COL4A4: variants seen among roughly 807,000 people sequenced by gnomAD.
The protein encoded by COL4A4 is collagen alpha-4(IV) chain.
In COL4A4, 105 loss-of-function variants were observed where a neutral mutation model predicts 192.9. The observed-to-expected ratio is 0.54, with a 90% confidence interval of 0.46 to 0.64. COL4A4 has a LOEUF of 0.64. Ranked by LOEUF, COL4A4 falls within the 30% of genes least tolerant of loss-of-function variation. The pLI is 0.00. For synonymous variants in COL4A4, 762 were observed against 769.9 expected (o/e 0.99, Z 0.17); for missense variants, 1,967 against 2,169.3 (o/e 0.91, Z 1.85).
chr2:227,128,258 C>T (rs932507862), intron 4 of COL4A4, among the ~76,000 whole-genome samples: 1 of 152,200 alleles, frequency 6.6e-6, no homozygotes, highest in African/African-American at 2.4e-5. Context: ...CACGCTCATG[C>T]CATGCCCGGA....
At chr2:227,150,861 T>A (rs2063887825) in intron 1 of COL4A4, among the ~76,000 whole-genome samples, 1 of 151,398 alleles carries the variant, frequency 6.6e-6, no homozygotes, top group Non-Finnish European at 1.5e-5. Flanking sequence ...CAATTCAAGG[T>A]GAGATTTGGG....
At chr2:227,016,197 C>T (rs1341666395) in intron 44 of COL4A4, among the ~76,000 whole-genome samples, 11 of 152,018 alleles carry the variant, frequency 7.2e-5, no homozygotes, top group Admixed American at 2.6e-4. Context: ...ATCCTAGAAT[C>T]CACCAAACAG....
intron 4 of COL4A4, among the ~76,000 whole-genome samples, chr2:227,121,404 A>C (rs982463969): frequency 6.6e-6 from 1 of 152,030 alleles, no homozygotes; most frequent in African/African-American, 2.4e-5. Flanking sequence ...ATCTCTACAG[A>C]AAATATAAAA....
At chr2:227,070,374 T>C (rs1376130196) in intron 25 of COL4A4, among the ~76,000 whole-genome samples, 2 of 152,168 alleles carry the variant, frequency 1.3e-5, no homozygotes, top group African/African-American at 2.4e-5. Flanking sequence ...ACTGGGTATA[T>C]ACCCAAAGGA....
At chr2:227,130,606 C>T (rs2062389732) in intron 4 of COL4A4, among the ~76,000 whole-genome samples, 1 of 152,148 alleles carries the variant, frequency 6.6e-6, no homozygotes, top group Admixed American at 6.5e-5. Context: ...GGCTTCTTGT[C>T]ACTTTCTCTC....
chr2:227,016,695 A>C (rs1352790587), intron 44 of COL4A4, among the ~76,000 whole-genome samples: 1 of 152,010 alleles, frequency 6.6e-6, no homozygotes, highest in East Asian at 1.9e-4. Context: ...TTCTTCTTAC[A>C]TCCCTACGAC....
chr2:227,103,344 C>T (rs2060632387), intron 13 of COL4A4, 147 bp from the exon 14 acceptor site: 1 of 683,888 alleles, frequency 1.5e-6, no homozygotes, highest in Admixed American at 2.7e-5. Context: ...TTCTAATTAG[C>T]ACACTTATAA....
At chr2:226,969,339 G>A in the COL4A4 span, among the ~76,000 whole-genome samples, 1 of 147,730 alleles carries the variant, frequency 6.8e-6, no homozygotes, top group Non-Finnish European at 1.5e-5. Flanking sequence ...ATAAGTCTGT[G>A]CCCAACTGTC....
In COL4A4 at chr2:227,010,349, G is replaced by C. The variant is rs964039621; in HGVS notation, c.4486C>G (p.Leu1496Val). 1 of 1,614,216 alleles carries C rather than the reference G, an allele frequency of 6.2e-7. No homozygotes were observed. The highest frequency in any genetic ancestry group is 8.5e-7 in the Non-Finnish European group (1 of 1,180,044). ...RLWTGYSLLY[L>V]EGQEKAHNQD... ...TTGTGAGCTTTCTCTTGCCCTTCCA[G>C]GTATAACAGACTATACCCAGTCCAG... The change falls in exon 46 of 48, where the codon CTG becomes GTG. Residue 1496 changes from leucine to valine, a missense_variant. Transcript: ENST00000396625.
the COL4A4 span, among the ~76,000 whole-genome samples, chr2:226,985,685 A>G: frequency 6.6e-6 from 1 of 152,238 alleles, no homozygotes; most frequent in Non-Finnish European, 1.5e-5. Context: ...AGCCCACCCA[A>G]TCAGCAACTA....
the COL4A4 span, chr2:226,995,629 A>G: frequency 1.3e-6 from 1 of 785,902 alleles, no homozygotes; most frequent in South Asian, 1.6e-5. Context: ...AGCAGAGTAC[A>G]CCGGTATTGC....
chr2:227,014,914 T>C (rs1005454435), intron 44 of COL4A4, among the ~76,000 whole-genome samples: 20 of 146,528 alleles, frequency 1.4e-4, no homozygotes, highest in South Asian at 4.4e-4. Flanking sequence ...TTTTTTTTTT[T>C]CTGAGATGGA....
chr2:227,098,570 A>G, intron 19 of COL4A4, 124 bp downstream of exon 19: 1 of 740,624 alleles, frequency 1.4e-6, no homozygotes. Flanking sequence ...GTGCACAGGC[A>G]TCGGTATTAT....
At chr2:227,102,996 A>G (rs2150790701) in intron 14 of COL4A4, 148 bp from the exon 15 acceptor site, 2 of 1,060,794 alleles carry the variant, frequency 1.9e-6, no homozygotes, top group Non-Finnish European at 2.9e-6. Flanking sequence ...TTAGAATAGA[A>G]GCTCTATAGT....
intron 4 of COL4A4, among the ~76,000 whole-genome samples, chr2:227,128,120 A>G (rs1440432904): frequency 1.3e-5 from 2 of 152,142 alleles, no homozygotes; most frequent in Admixed American, 1.3e-4. Context: ...GGAAGGTGTA[A>G]CTTATTCAGG....
chr2:226,992,599 CT>C, the COL4A4 span, among the ~76,000 whole-genome samples: 2 of 152,176 alleles, frequency 1.3e-5, no homozygotes, highest in African/African-American at 2.4e-5. Context: ...CACGTGGGAA[CT>C]TTAGAGTTAC....
At chr2:227,056,155 A>T in intron 29 of COL4A4, 40 bp from the exon 30 acceptor site, 1 of 1,568,470 alleles carries the variant, frequency 6.4e-7, no homozygotes, top group Non-Finnish European at 8.8e-7. Flanking sequence ...TGAAGGCTGA[A>T]CACTGGCTTC....
intron 12 of COL4A4, among the ~76,000 whole-genome samples, chr2:227,107,861 A>G (rs940136464): frequency 5.3e-5 from 8 of 149,976 alleles, no homozygotes; most frequent in Middle Eastern, 3.5e-3. Flanking sequence ...AGGTTCAAGC[A>G]ATTCTCCTGC....
Position 227,098,747 on chromosome 2 carries a change from A to C in COL4A4, c.1151T>G (p.Val384Gly). 6.2e-7 allele frequency: 1 copy of C among 1,614,080 alleles called. No individual in the cohort carries two copies. The highest frequency in any genetic ancestry group is 1.3e-5 in the African/African-American group (1 of 75,058). ...GAGACCTGGGGGACCAGGTGGTCCA[A>C]CATCCCCTGTTTCTCCATAGCGGCC... ...FPGRYGETGD[V>G]GPPGPPGLLG... Residue 384 changes from valine (V) to glycine (G), a missense_variant, in exon 19 of 48, where the codon GTT becomes GGT. Physicochemically the swap from Val to Gly is moderately radical, Grantham distance 109. Transcript: ENST00000396625.
Sources: allele counts gnomAD v4.1 joint callset (sites outside exome capture counted in the v4.1 genomes callset), GRCh38; gene constraint gnomAD v4.1.1; transcripts MANE v1.5; gene names NCBI Gene and HGNC (gene_info 2026-07-23, HGNC 2026-07-21).